TBC1D19: variants seen among roughly 807,000 people sequenced by gnomAD.
TBC1D19 encodes the protein TBC1 domain family member 19.
TBC1D19 carries 60 observed loss-of-function variants against 89.0 expected under a neutral mutation model. That is an observed-to-expected ratio of 0.67 (90% CI 0.55 to 0.84). The LOEUF (loss-of-function observed/expected upper bound fraction) is 0.84, where lower values mean the gene tolerates loss of function less well. TBC1D19 is among the 40% of genes least tolerant of loss of function. The pLI, the probability that TBC1D19 is intolerant of heterozygous loss-of-function variation, is 0.00. For synonymous variants in TBC1D19, 189 were observed against 199.7 expected (o/e 0.95, Z 0.45); for missense variants, 500 against 610.8 (o/e 0.82, Z 1.91).
chr4:26,699,199 G>T (rs1181630459), intron 13 of TBC1D19, among the ~76,000 whole-genome samples: 1 of 152,082 alleles, frequency 6.6e-6, no homozygotes, highest in Non-Finnish European at 1.5e-5. Flanking sequence ...AAAAGTGGGT[G>T]GAGGATATGA....
At chr4:26,823,905 A>T in the TBC1D19 span, among the ~76,000 whole-genome samples, 2 of 152,104 alleles carry the variant, frequency 1.3e-5, no homozygotes, top group African/African-American at 4.8e-5. Context: ...TTCCTTCTTT[A>T]TACAGAACCC....
chr4:26,760,733 C>T (rs1350597683), downstream of TBC1D19, among the ~76,000 whole-genome samples: 3 of 152,046 alleles, frequency 2.0e-5, no homozygotes, highest in African/African-American at 7.2e-5. Context: ...TTGTTGAGAT[C>T]CAATTTATCT....
At chr4:26,747,530 C>G (rs919630942) in intron 18 of TBC1D19, among the ~76,000 whole-genome samples, 1 of 152,124 alleles carries the variant, frequency 6.6e-6, no homozygotes, top group Non-Finnish European at 1.5e-5. Flanking sequence ...CCAAGGCAAC[C>G]TCTGGGTCCT....
intron 7 of TBC1D19, among the ~76,000 whole-genome samples, chr4:26,648,045 A>C (rs1313833055): frequency 6.6e-6 from 1 of 152,174 alleles, no homozygotes; most frequent in African/African-American, 2.4e-5. Flanking sequence ...GCAGTCACAC[A>C]GGGTCAAATA....
At chr4:26,713,984 T>C (rs1716380766) in intron 13 of TBC1D19, among the ~76,000 whole-genome samples, 1 of 152,082 alleles carries the variant, frequency 6.6e-6, no homozygotes. Context: ...TGTTCATATA[T>C]TGGGGAGTAA....
chr4:26,645,446 A>T (rs2110089185), intron 7 of TBC1D19, among the ~76,000 whole-genome samples: 1 of 152,346 alleles, frequency 6.6e-6, no homozygotes, highest in East Asian at 1.9e-4. Flanking sequence ...AAAACTAGCT[A>T]TCCATATGTA....
intron 7 of TBC1D19, among the ~76,000 whole-genome samples, chr4:26,656,698 A>G (rs768716913): frequency 2.0e-5 from 3 of 151,812 alleles, no homozygotes; most frequent in Admixed American, 2.0e-4. Flanking sequence ...AGCTGGAACT[A>G]CAGGAGCACA....
chr4:26,639,251 G>A (rs1479762744), intron 6 of TBC1D19, among the ~76,000 whole-genome samples: 2 of 152,004 alleles, frequency 1.3e-5, no homozygotes, highest in Admixed American at 6.6e-5. Context: ...GTTTTGCTAT[G>A]TTGCCCTGGC....
intron 4 of TBC1D19, among the ~76,000 whole-genome samples, chr4:26,634,112 G>GT (rs1272044976): frequency 6.6e-6 from 1 of 151,596 alleles, no homozygotes; most frequent in Non-Finnish European, 1.5e-5. Context: ...ACCTCTGGTG[G>GT]TGTAGCTACA....
At chr4:26,662,467 A>G (rs1745277278) in intron 8 of TBC1D19, among the ~76,000 whole-genome samples, 1 of 152,194 alleles carries the variant, frequency 6.6e-6, no homozygotes, top group African/African-American at 2.4e-5. Context: ...AGATCAATCT[A>G]CAAAGATTAA....
At chr4:26,655,225 C>T (rs1341756578) in intron 7 of TBC1D19, among the ~76,000 whole-genome samples, 3 of 152,194 alleles carry the variant, frequency 2.0e-5, no homozygotes, top group African/African-American at 7.2e-5. Context: ...CTGATCGTTC[C>T]TCTGGAAGTT....
chr4:26,826,736 A>G, the TBC1D19 span, among the ~76,000 whole-genome samples: 1 of 152,232 alleles, frequency 6.6e-6, no homozygotes. Context: ...CGAGCAGGAA[A>G]GACTACTGTT....
the TBC1D19 span, among the ~76,000 whole-genome samples, chr4:26,811,514 T>G: frequency 6.6e-6 from 1 of 152,126 alleles, no homozygotes; most frequent in Non-Finnish European, 1.5e-5. Flanking sequence ...CCAGAGATAG[T>G]GTTACCAGAA....
chr4:26,673,474 CA>C (rs1712519474), intron 10 of TBC1D19, among the ~76,000 whole-genome samples: 2 of 147,814 alleles, frequency 1.4e-5, no homozygotes, highest in Non-Finnish European at 3.0e-5. Context: ...CACACACACA[CA>C]ATACTAGTTT....
At chr4:26,634,067 G>T (rs554272605) in intron 4 of TBC1D19, among the ~76,000 whole-genome samples, 1 of 146,164 alleles carries the variant, frequency 6.8e-6, no homozygotes, top group South Asian at 2.1e-4. Context: ...AGATAAAAGA[G>T]TATTTTGCAA....
rs1271217963 is a variant in TBC1D19, at chr4:26,638,120, GAAA to G, written c.370-650_370-648del. Reference sequence around the variant, plus strand: ...TCTGGGCATTGAGGAGAAAAGATGAGAAAGAAAAGAAAAAACACTTGAGGGATG... The same window carrying G: ...TCTGGGCATTGAGGAGAAAAGATGAGGAAAAGAAAAAACACTTGAGGGATG... On this transcript the variant is annotated intron_variant, in intron 5 of 20. Transcript: ENST00000264866. 4.1e-3 allele frequency among the ~76,000 whole-genome samples: 617 copies of G among 150,258 alleles called. 5 individuals carry two copies. The highest frequency in any genetic ancestry group is 0.014 in the African/African-American group (570 of 39,704).
intron 1 of TBC1D19, among the ~76,000 whole-genome samples, chr4:26,593,218 G>A (rs1485889066): frequency 1.3e-5 from 2 of 152,144 alleles, no homozygotes; most frequent in African/African-American, 2.4e-5. Flanking sequence ...TGACAAACCT[G>A]AGAAAAACAA....
chr4:26,647,302 CAT>C (rs1268390298), intron 7 of TBC1D19, among the ~76,000 whole-genome samples: 1 of 152,172 alleles, frequency 6.6e-6, no homozygotes, highest in African/African-American at 2.4e-5. Context: ...GTTACAGAGA[CAT>C]ATCAAATATT....
At chr4:26,807,074 A>C in the TBC1D19 span, among the ~76,000 whole-genome samples, 2 of 152,124 alleles carry the variant, frequency 1.3e-5, no homozygotes, top group Non-Finnish European at 2.9e-5. Context: ...CCCCCTTCCC[A>C]CGGCACTCTC....
Sources: allele counts gnomAD v4.1 joint callset (sites outside exome capture counted in the v4.1 genomes callset), GRCh38; gene constraint gnomAD v4.1.1; transcripts MANE v1.5; gene names NCBI Gene and HGNC (gene_info 2026-07-23, HGNC 2026-07-21).